The following TLE4 variants were observed in gnomAD, a reference collection of about 807,000 sequenced individuals.
TLE4 encodes the protein transducin-like enhancer protein 4.
In TLE4, 8 loss-of-function variants were observed where a neutral mutation model predicts 92.8. The observed-to-expected ratio is 0.09, with a 90% CI of 0.05 to 0.16. The LOEUF is 0.16. TLE4 is among the 10% of genes least tolerant of loss of function. TLE4 has a pLI of 1.00. For synonymous variants in TLE4, 371 were observed against 374.1 expected (o/e 0.99, Z 0.10); for missense variants, 675 against 997.6 (o/e 0.68, Z 4.36).
rs1467063245 is a variant in TLE4, at chr9:79,571,996, T to C, written c.-795T>C. 1 of 151,744 alleles carries C rather than the reference T, an allele frequency of 6.6e-6. No individual in the cohort carries two copies. Among genetic ancestry groups the C allele is most frequent in the Non-Finnish European group, 1.5e-5 (1 of 67,958 alleles). The allele number at this position is 151,744 out of a possible 1,614,324, so 9.4% of individuals were successfully genotyped here. A position where few individuals can be genotyped will look rare whatever the true frequency, so the allele number is the denominator to read the frequency against. ...TGTTGTTAGAGCTGTGCTGAGCGGGTGTTTGGGTTGTTGGCTGCTTTCTTC... is the reference window on the plus strand; with the variant it reads ...TGTTGTTAGAGCTGTGCTGAGCGGGCGTTTGGGTTGTTGGCTGCTTTCTTC... On this transcript the variant is annotated 5_prime_UTR_variant, in exon 1 of 20. Transcript: ENST00000376552.
At chr9:79,595,488 A>G (rs1226564562) in intron 4 of TLE4, among the ~76,000 whole-genome samples, 1 of 152,232 alleles carries the variant, frequency 6.6e-6, no homozygotes, top group African/African-American at 2.4e-5. Context: ...GCTGATCGGT[A>G]ACAATGTGGG....
At chr9:79,588,135 C>CATGTGTGTGTGTGTGTGTGTGT (rs140229560) in intron 4 of TLE4, among the ~76,000 whole-genome samples, 1 of 146,716 alleles carries the variant, frequency 6.8e-6, no homozygotes, top group African/African-American at 2.5e-5. Flanking sequence ...TTTATCCTTG[C>CATGTGTGTGTGTGTGTGTGTGT]GTGTGTGTGT....
At chr9:79,676,938 T>G (rs2063365556) in intron 8 of TLE4, among the ~76,000 whole-genome samples, 1 of 152,176 alleles carries the variant, frequency 6.6e-6, no homozygotes. Context: ...GTATTTTAAT[T>G]TCTTTCATGT....
At chr9:79,653,695 A>G (rs2059356365) in intron 7 of TLE4, among the ~76,000 whole-genome samples, 1 of 152,244 alleles carries the variant, frequency 6.6e-6, no homozygotes, top group Admixed American at 6.5e-5. Flanking sequence ...TTTTTATCAC[A>G]TATGCATAAA....
At chr9:79,695,061 T>C (rs560981267) in intron 8 of TLE4, among the ~76,000 whole-genome samples, 2 of 152,286 alleles carry the variant, frequency 1.3e-5, no homozygotes, top group Non-Finnish European at 2.9e-5. Context: ...TTGAAAACTT[T>C]CCCTCTTATA....
chr9:79,628,628 A>T (rs977514000), intron 6 of TLE4, among the ~76,000 whole-genome samples: 1 of 152,064 alleles, frequency 6.6e-6, no homozygotes, highest in Non-Finnish European at 1.5e-5. Context: ...AAATTAGCAG[A>T]TGTAATGAAT....
intron 8 of TLE4, among the ~76,000 whole-genome samples, chr9:79,663,016 G>A (rs1026763131): frequency 1.3e-5 from 2 of 148,166 alleles, no homozygotes; most frequent in Non-Finnish European, 3.0e-5. Flanking sequence ...TCTGAGAGTC[G>A]TGACATTTGT....
Position 79,572,002 on chromosome 9 carries a change from G to C in TLE4, c.-789G>C, listed in dbSNP as rs185781644. 35 of 152,264 alleles carry C rather than the reference G, an allele frequency of 2.3e-4. No individual in the cohort carries two copies. The highest frequency in any genetic ancestry group is 2.2e-3 in the Admixed American group (34 of 15,300). The allele number at this position is 152,264 out of a possible 1,614,324, so 9.4% of individuals were successfully genotyped here. ...TAGAGCTGTGCTGAGCGGGTGTTTG[G>C]GTTGTTGGCTGCTTTCTTCCCCCTT... On this transcript the variant is annotated 5_prime_UTR_variant, in exon 1 of 20. Coordinates refer to ENST00000376552, the MANE Select transcript of TLE4 (RefSeq NM_007005.6).
Position 79,706,002 on chromosome 9 carries a change from C to G in TLE4, c.783+60C>G, listed in dbSNP as rs144656292. ...CCCAGCCATATCAAAGACTAGTTGC[C>G]CAAACAATTAGTATCCAAAATATCT... On this transcript the variant is annotated intron_variant, in intron 10 of 19. Transcript: ENST00000376552. 1.5e-4 allele frequency: 224 copies of G among 1,458,458 alleles called. 2 individuals carry two copies. The East Asian group carries it at 5.0e-3, about 33-fold the overall frequency. The allele number at this position is 1,458,458 out of a possible 1,614,324, so 90.3% of individuals were successfully genotyped here. A position where few individuals can be genotyped will look rare whatever the true frequency, so the allele number is the denominator to read the frequency against.
intron 4 of TLE4, among the ~76,000 whole-genome samples, chr9:79,579,421 A>G (rs977082240): frequency 6.6e-6 from 1 of 152,210 alleles, no homozygotes; most frequent in Non-Finnish European, 1.5e-5. Flanking sequence ...ATAGATTAGG[A>G]ACAGTAGGTA....
intron 8 of TLE4, among the ~76,000 whole-genome samples, chr9:79,676,044 A>T (rs10867409): frequency 1.3e-5 from 2 of 151,856 alleles, no homozygotes; most frequent in Non-Finnish European, 2.9e-5. Context: ...TGAACTGATT[A>T]GATAACAGGC....
chr9:79,584,764 G>C (rs1053378093), intron 4 of TLE4, among the ~76,000 whole-genome samples: 1 of 152,182 alleles, frequency 6.6e-6, no homozygotes, highest in African/African-American at 2.4e-5. Flanking sequence ...TTGTGGAAAA[G>C]TGACACTTGG....
intron 5 of TLE4, among the ~76,000 whole-genome samples, chr9:79,622,949 A>G (rs2051409814): frequency 6.6e-6 from 1 of 152,180 alleles, no homozygotes; most frequent in Non-Finnish European, 1.5e-5. Flanking sequence ...ATTGTTCATT[A>G]TGAGAATCCT....
Position 79,623,566 on chromosome 9 carries a change from A to G in TLE4, c.316-3808A>G, listed in dbSNP as rs936037425. On this transcript the variant is annotated intron_variant, in intron 5 of 19. Coordinates refer to ENST00000376552, the MANE Select transcript of TLE4 (RefSeq NM_007005.6). ...CCCTGCAACCATGTTTGTATTGCTT[A>G]AATCACTTTTTTAAAAAAATTATTT... 8.5e-5 allele frequency among the ~76,000 whole-genome samples: 13 copies of G among 152,178 alleles called. No individual in the cohort carries two copies. The East Asian group carries it at 2.3e-3, about 27-fold the overall frequency.
At chr9:79,580,294 T>A (rs545116264) in intron 4 of TLE4, 8 of 152,340 alleles carry the variant, frequency 5.3e-5, no homozygotes, top group African/African-American at 1.9e-4. Context: ...TAGACTGGAT[T>A]GGCCAAAAGC....
At chr9:79,612,896 A>T (rs554660967) in intron 5 of TLE4, among the ~76,000 whole-genome samples, 178 bp downstream of exon 5, 10 of 152,258 alleles carry the variant, frequency 6.6e-5, no homozygotes, top group African/African-American at 2.4e-4. Flanking sequence ...TTTCTGTGGG[A>T]TATAATTTAT....
rs535516423 is a variant in TLE4, at chr9:79,718,982, A to G, written c.1590+11A>G. Reference sequence around the variant, plus strand: ...CAGCTCGACTGTCTGGTGAGTGAACATGGATGAACAAGACTTAGACTTTCA... The same window carrying G: ...CAGCTCGACTGTCTGGTGAGTGAACGTGGATGAACAAGACTTAGACTTTCA... On this transcript the variant is annotated intron_variant, in intron 15 of 19. Transcript: ENST00000376552. 5 of 1,600,758 alleles carry G rather than the reference A, an allele frequency of 3.1e-6. No homozygotes were observed. The highest frequency in any genetic ancestry group is 3.4e-5 in the Admixed American group (2 of 59,406).
chr9:79,708,887 A>T, intron 13 of TLE4, 101 bp downstream of exon 13: 2 of 1,391,948 alleles, frequency 1.4e-6, no homozygotes. Context: ...CCTGGAGTGC[A>T]GTGGCATGAT....
intron 6 of TLE4, among the ~76,000 whole-genome samples, chr9:79,632,362 C>G (rs1564517652): frequency 6.6e-6 from 1 of 152,164 alleles, no homozygotes; most frequent in Non-Finnish European, 1.5e-5. Context: ...CTAGATAATA[C>G]ATGTTTATTT....
Sources: allele counts gnomAD v4.1 joint callset (sites outside exome capture counted in the v4.1 genomes callset), GRCh38; gene constraint gnomAD v4.1.1; transcripts MANE v1.5; gene names NCBI Gene and HGNC (gene_info 2026-07-23, HGNC 2026-07-21).